The following NEBL variants were observed in gnomAD, a reference collection of about 807,000 sequenced individuals.
The protein encoded by NEBL is nebulette.
In NEBL, 122 loss-of-function variants were observed where a neutral mutation model predicts 140.2. That is an observed-to-expected ratio of 0.87 (90% CI 0.75 to 1.01). NEBL has a LOEUF of 1.01. NEBL is among the 50% of genes least tolerant of loss of function. NEBL has a pLI of 0.00. For synonymous variants in NEBL, 436 were observed against 398.9 expected, an observed-to-expected ratio of 1.09 and a Z score of -1.11; for missense variants, 1,365 against 1,231.3, an observed-to-expected ratio of 1.11 and a Z score of -1.62.
intron 19 of NEBL, among the ~76,000 whole-genome samples, chr10:20,821,720 A>AT (rs773180310): frequency 3.3e-5 from 5 of 152,212 alleles, no homozygotes; most frequent in Non-Finnish European, 7.3e-5. Flanking sequence ...CCGGAATGCC[A>AT]TAATGGTATA....
chr10:21,199,285 A>T (rs1263827536), intron 3 of NEBL, among the ~76,000 whole-genome samples: 1 of 152,106 alleles, frequency 6.6e-6, no homozygotes, highest in Non-Finnish European at 1.5e-5. Context: ...CTCCCACCTC[A>T]GCCTCCCAAA....
intron 4 of NEBL, among the ~76,000 whole-genome samples, chr10:20,903,355 T>C (rs1212989161): frequency 6.6e-6 from 1 of 151,850 alleles, no homozygotes. Flanking sequence ...TACTAAAAAG[T>C]CAAAAAACAA....
At chr10:21,121,154 C>T (rs189693930) in intron 2 of NEBL, among the ~76,000 whole-genome samples, 3 of 152,254 alleles carry the variant, frequency 2.0e-5, no homozygotes, top group Admixed American at 6.5e-5. Context: ...TAAAATTATA[C>T]TCTTTCATTC....
intron 3 of NEBL, among the ~76,000 whole-genome samples, chr10:21,229,081 C>A (rs1462917262): frequency 6.6e-6 from 1 of 152,098 alleles, no homozygotes; most frequent in African/African-American, 2.4e-5. Context: ...CTATTTGTTA[C>A]CTCCCTATAC....
At chr10:20,976,554 G>C (rs188029769) in intron 3 of NEBL, among the ~76,000 whole-genome samples, 1 of 152,098 alleles carries the variant, frequency 6.6e-6, no homozygotes, top group East Asian at 1.9e-4. Flanking sequence ...AGAAAGAAAA[G>C]GTGCTACATA....
At chr10:21,116,289 C>T (rs1188670353) in intron 2 of NEBL, among the ~76,000 whole-genome samples, 1 of 152,096 alleles carries the variant, frequency 6.6e-6, no homozygotes, top group East Asian at 1.9e-4. Context: ...CAATTCATTT[C>T]CTGGTGAGAG....
intron 20 of NEBL, among the ~76,000 whole-genome samples, chr10:20,818,497 A>G (rs895724467): frequency 3.3e-5 from 5 of 152,220 alleles, no homozygotes; most frequent in African/African-American, 1.2e-4. Flanking sequence ...GAATGACTGA[A>G]AAATGTTTTC....
chr10:20,849,237 T>A (rs775215616), intron 11 of NEBL, among the ~76,000 whole-genome samples: 2 of 151,614 alleles, frequency 1.3e-5, no homozygotes, highest in Non-Finnish European at 2.9e-5. Context: ...CACAAATAAG[T>A]CTCGCTGGAA....
rs543882264 is a variant in NEBL, at chr10:20,815,485, T to C, written c.2241+140A>G. The C allele has an allele frequency of 1.2e-4, 82 of 703,322 alleles. No homozygotes were observed. In the African/African-American group the frequency reaches 1.2e-3, roughly 10 times the overall value. The allele number at this position is 703,322 out of a possible 1,614,324, so 43.6% of individuals were successfully genotyped here. Reference sequence around the variant, plus strand: ...GCAGTGGCAGCTTTTGGAAGTCATCTGAAATAACACATGTACTTATTGGAC... The same window carrying C: ...GCAGTGGCAGCTTTTGGAAGTCATCCGAAATAACACATGTACTTATTGGAC... On this transcript the variant is annotated intron_variant, in intron 22 of 27. Coordinates refer to ENST00000377122, the MANE Select transcript of NEBL (RefSeq NM_006393.3).
chr10:21,170,217 T>C (rs1841014137), intron 2 of NEBL: 1 of 152,220 alleles, frequency 6.6e-6, no homozygotes, highest in African/African-American at 2.4e-5. Flanking sequence ...ATTGTTGTAA[T>C]TGCTATTCTC....
At chr10:20,819,913 C>T (rs932118597) in intron 19 of NEBL, among the ~76,000 whole-genome samples, 2 of 151,980 alleles carry the variant, frequency 1.3e-5, no homozygotes, top group Non-Finnish European at 2.9e-5. Context: ...TTAAGTCACA[C>T]TTTTTGTTGT....
chr10:21,213,381 G>T (rs1251514950), intron 3 of NEBL, among the ~76,000 whole-genome samples: 1 of 152,166 alleles, frequency 6.6e-6, no homozygotes, highest in Non-Finnish European at 1.5e-5. Context: ...TGTAGAGCTG[G>T]TTGAGTGCAG....
At chr10:20,819,584 A>G in intron 19 of NEBL, 68 bp from the exon 20 acceptor site, 1 of 1,573,408 alleles carries the variant, frequency 6.4e-7, no homozygotes, top group Non-Finnish European at 8.7e-7. Context: ...ATTGCAACAG[A>G]TTTTTTTTAA....
At chr10:20,970,384 A>G (rs1400054530) in intron 3 of NEBL, among the ~76,000 whole-genome samples, 2 of 152,162 alleles carry the variant, frequency 1.3e-5, no homozygotes, top group Non-Finnish European at 2.9e-5. Flanking sequence ...CACATCTGTA[A>G]TCCCAGCACT....
rs182453575 is a variant in NEBL at position 21,003,951 on chromosome 10, G to A, written c.249+16166C>T. Among the ~76,000 whole-genome samples the A allele has an allele frequency of 4.0e-3, 615 of 152,110 alleles. 8 individuals carry two copies. Among genetic ancestry groups the A allele is most frequent in the East Asian group, 0.029 (150 of 5,180 alleles). On this transcript the variant is annotated intron_variant, in intron 3 of 6. Transcript: ENST00000417816. ...GAACTTTATAAACAAACCAAAAGTC[G>A]TCCAAAAAATCAAGAATCCATGAAT...
At chr10:21,204,623 C>T (rs1841796931) in intron 3 of NEBL, among the ~76,000 whole-genome samples, 1 of 152,188 alleles carries the variant, frequency 6.6e-6, no homozygotes, top group South Asian at 2.1e-4. Flanking sequence ...TTTAAGGCTT[C>T]CAGGCTGTGG....
chr10:21,153,935 T>C (rs1840239597), intron 2 of NEBL, among the ~76,000 whole-genome samples: 1 of 152,088 alleles, frequency 6.6e-6, no homozygotes, highest in Admixed American at 6.6e-5. Flanking sequence ...TAAGACCACA[T>C]GAACAAAATA....
Position 20,813,996 on chromosome 10 carries a change from C to G in NEBL, c.2289G>C (p.Leu763=), listed in dbSNP as rs1196603745. 6.2e-7 allele frequency: 1 copy of G among 1,611,454 alleles called. No individual in the cohort carries two copies. Among genetic ancestry groups the G allele is most frequent in the Non-Finnish European group, 8.5e-7 (1 of 1,177,622 alleles). The part of the protein sequence containing the change: ...DHKQMKGRPS[L]ILDTPAMRHV... The stretch of plus-strand genomic sequence containing the variant: ...GTCTCATAGCAGGTGTATCTAAAAT[C>G]AGACTTGGTCTACCTTTCATCTGTT... The change falls in exon 23 of 28, where the codon CTG becomes CTC. Residue 763 remains leucine (L), a synonymous_variant. Transcript: ENST00000377122.
chr10:20,819,539 G>A, intron 19 of NEBL, 23 bp from the exon 20 acceptor site: 1 of 1,613,544 alleles, frequency 6.2e-7, no homozygotes, highest in Non-Finnish European at 8.5e-7. Context: ...GTGCAAGACA[G>A]TTTGAGATTA....
Sources: allele counts gnomAD v4.1 joint callset (sites outside exome capture counted in the v4.1 genomes callset), GRCh38; gene constraint gnomAD v4.1.1; transcripts MANE v1.5; gene names NCBI Gene and HGNC (gene_info 2026-07-23, HGNC 2026-07-21).